The following CAMSAP2 variants were observed in gnomAD, a reference collection of about 807,000 sequenced individuals.
CAMSAP2 encodes calmodulin-regulated spectrin-associated protein 2.
In CAMSAP2, 26 loss-of-function variants were observed where a neutral mutation model predicts 146.1. The observed-to-expected ratio is 0.18, with a 90% CI of 0.13 to 0.25. The LOEUF is 0.25. Among genes scored for constraint, CAMSAP2 ranks in the 10% least tolerant of loss-of-function variants. The pLI is 1.00. For missense variants in CAMSAP2, 1,381 were observed against 1,759.3 expected, an observed-to-expected ratio of 0.78 and a Z score of 3.85; for synonymous variants, 499 against 596.6, an observed-to-expected ratio of 0.84 and a Z score of 2.38.
At chr1:200,788,643 CT>C (rs71564133) in intron 2 of CAMSAP2, among the ~76,000 whole-genome samples, 78,543 of 122,094 alleles carry the variant, frequency 0.64, 23,099 homozygotes, top group Middle Eastern at 0.72. Context: ...TTCTTTTTTT[CT>C]TTTTTTTTTT....
chr1:200,826,321 A>G (rs1167316807), intron 4 of CAMSAP2, among the ~76,000 whole-genome samples: 1 of 151,996 alleles, frequency 6.6e-6, no homozygotes, highest in African/African-American at 2.4e-5. Context: ...TGTCCCAGCT[A>G]CTAGGGAGGC....
At chr1:200,826,844 C>A (rs969127053) in intron 4 of CAMSAP2, among the ~76,000 whole-genome samples, 6 of 152,084 alleles carry the variant, frequency 3.9e-5, no homozygotes, top group Admixed American at 3.3e-4. Flanking sequence ...TTTTAAAAAA[C>A]CCTTTGTTTC....
At chr1:200,762,847 A>G (rs754494875) in intron 2 of CAMSAP2, among the ~76,000 whole-genome samples, 6 of 152,064 alleles carry the variant, frequency 3.9e-5, no homozygotes, top group Non-Finnish European at 8.8e-5. Context: ...GATCCTGCTG[A>G]TAGCTTTGAA....
chr1:200,835,407 A>C (rs1667160483), intron 6 of CAMSAP2, among the ~76,000 whole-genome samples: 1 of 152,202 alleles, frequency 6.6e-6, no homozygotes, highest in Non-Finnish European at 1.5e-5. Flanking sequence ...TATGCTAGAC[A>C]CTGTACTGAG....
intron 6 of CAMSAP2, 149 bp from the exon 7 acceptor site, chr1:200,841,845 A>G: frequency 1.6e-6 from 1 of 607,510 alleles, no homozygotes; most frequent in South Asian, 2.1e-5. Flanking sequence ...CACAAGAGTT[A>G]ATATTCCATC....
intron 1 of CAMSAP2, among the ~76,000 whole-genome samples, chr1:200,751,442 A>G (rs1302106069): frequency 6.8e-6 from 1 of 147,260 alleles, no homozygotes; most frequent in East Asian, 2.1e-4. Flanking sequence ...AGGCTGAGAC[A>G]GGAGAAGCAC....
Position 200,844,860 on chromosome 1 carries a change from T to A in CAMSAP2, c.1100T>A (p.Phe367Tyr). The A allele has an allele frequency of 1.3e-6, 2 of 1,573,206 alleles. No homozygotes were observed. Among genetic ancestry groups the A allele is most frequent in the Non-Finnish European group, 1.7e-6 (2 of 1,156,686 alleles). Residue 367 changes from phenylalanine to tyrosine, a missense_variant, in exon 8 of 17, where the codon TTC becomes TAC. Phe to Tyr is a conservative substitution (Grantham distance 22). Transcript: ENST00000358823. ...KRNVLDSSSD[F>Y]PSSGEGATFT... Reference sequence around the variant, plus strand: ...AATGTCTTAGATAGTAGTTCTGACTTCCCTTCAAGGTAAACTCCACAATGA... The same window carrying A: ...AATGTCTTAGATAGTAGTTCTGACTACCCTTCAAGGTAAACTCCACAATGA...
intron 4 of CAMSAP2, among the ~76,000 whole-genome samples, chr1:200,830,641 C>T (rs1190832680): frequency 1.3e-5 from 2 of 152,160 alleles, no homozygotes; most frequent in Non-Finnish European, 2.9e-5. Context: ...TTCTTCCTTC[C>T]TCTTCCCTCC....
chr1:200,812,744 A>G lies in CAMSAP2; in HGVS notation c.562-2817A>G, dbSNP rs545822342. ...TTAAAAAAGCAAAATCACAGAAGACAAGATTATATTGAATGATTGAATCAT... is the reference window on the plus strand; with the variant it reads ...TTAAAAAAGCAAAATCACAGAAGACGAGATTATATTGAATGATTGAATCAT... On this transcript the variant is annotated intron_variant, in intron 3 of 16. Coordinates refer to ENST00000358823, the MANE Select transcript of CAMSAP2 (RefSeq NM_203459.4). 9.8e-5 allele frequency among the ~76,000 whole-genome samples: 15 copies of G among 152,358 alleles called. 1 individual carries two copies. In the South Asian group the frequency reaches 2.1e-3, roughly 21 times the overall value.
intron 2 of CAMSAP2, among the ~76,000 whole-genome samples, chr1:200,802,563 C>G (rs1666062199): frequency 6.6e-6 from 1 of 151,992 alleles, no homozygotes; most frequent in South Asian, 2.1e-4. Context: ...TAACTAGTAC[C>G]TCATGTTTGT....
At chr1:200,851,583 G>A (rs748300993) in intron 11 of CAMSAP2, among the ~76,000 whole-genome samples, 10 of 152,176 alleles carry the variant, frequency 6.6e-5, no homozygotes, top group Non-Finnish European at 1.0e-4. Flanking sequence ...ACATATGAAT[G>A]TTTGAACTAA....
chr1:200,837,268 A>G (rs766207773), intron 6 of CAMSAP2, among the ~76,000 whole-genome samples: 11 of 152,096 alleles, frequency 7.2e-5, no homozygotes, highest in Non-Finnish European at 1.6e-4. Context: ...ATTTTTTTAT[A>G]TAGTGTAAGG....
intron 1 of CAMSAP2, among the ~76,000 whole-genome samples, chr1:200,760,298 C>T (rs535008895): frequency 1.3e-5 from 2 of 152,208 alleles, no homozygotes; most frequent in East Asian, 1.9e-4. Context: ...TCAGTAGTGT[C>T]AGCAAGCTAA....
chr1:200,816,834 G>A lies in CAMSAP2; in HGVS notation c.645+1190G>A, dbSNP rs145254941. On this transcript the variant is annotated intron_variant, in intron 4 of 16. Transcript: ENST00000358823. ...TATATGTGTGTACACACACACGCGT[G>A]TGTATGTGTGTACACACACACGCGT... 7.3e-4 allele frequency among the ~76,000 whole-genome samples: 41 copies of A among 56,240 alleles called. 9 individuals are homozygous for A. The highest frequency in any genetic ancestry group is 9.0e-4 in the African/African-American group (9 of 9,962). 36.9% of individuals were successfully genotyped at this position (56,240 alleles called of 152,430 possible). A position where few individuals can be genotyped will look rare whatever the true frequency, so the allele number is the denominator to read the frequency against.
chr1:200,777,297 A>G (rs1571743174), intron 2 of CAMSAP2, among the ~76,000 whole-genome samples: 1 of 152,142 alleles, frequency 6.6e-6, no homozygotes, highest in South Asian at 2.1e-4. Flanking sequence ...TTGAAGAGAG[A>G]AATTATTTCC....
chr1:200,849,300 C>G lies in CAMSAP2; in HGVS notation c.2531C>G (p.Pro844Arg). 1 of 1,613,996 alleles carries G rather than the reference C, an allele frequency of 6.2e-7. No individual in the cohort carries two copies. Among genetic ancestry groups the G allele is most frequent in the Non-Finnish European group, 8.5e-7 (1 of 1,180,028 alleles). ...GATATAAAAGAGAGCATGGAGAATC[C>G]TCAAGCCAAATGGCTAAAGTCTCCA... Reference protein sequence around the residue: ...LADIKESMENPQAKWLKSPTT... With the variant: ...LADIKESMENRQAKWLKSPTT... The change falls in exon 11 of 17, where the codon CCT becomes CGT. Residue 844 changes from proline (P) to arginine (R), a missense_variant. Physicochemically the swap from Pro to Arg is moderately radical, Grantham distance 103. Coordinates refer to ENST00000358823, the MANE Select transcript of CAMSAP2 (RefSeq NM_203459.4). This position sits in a 1 kb window ranked among gnomAD's most constrained non-coding sequence, Gnocchi z 6.3.
chr1:200,814,794 A>C (rs1043100806), intron 3 of CAMSAP2, among the ~76,000 whole-genome samples: 2 of 152,072 alleles, frequency 1.3e-5, no homozygotes, highest in African/African-American at 4.8e-5. Flanking sequence ...GCCAGAAACA[A>C]AGTGGGGACT....
At chr1:200,780,238 G>C (rs1665394830) in intron 2 of CAMSAP2, among the ~76,000 whole-genome samples, 1 of 152,148 alleles carries the variant, frequency 6.6e-6, no homozygotes, top group South Asian at 2.1e-4. Flanking sequence ...TATGTGACAT[G>C]GTCTACCAAA....
At chr1:200,779,567 C>T (rs929407769) in intron 2 of CAMSAP2, among the ~76,000 whole-genome samples, 2 of 152,096 alleles carry the variant, frequency 1.3e-5, no homozygotes, top group African/African-American at 4.8e-5. Flanking sequence ...TTGTGATGCC[C>T]AGGGAGGGCA....
Sources: gnomAD v4.1 joint callset for allele counts (sites outside exome capture counted in the v4.1 genomes callset) on GRCh38, gnomAD v4.1.1 for gene constraint, Gnocchi (gnomAD v3.1) non-coding constraint, MANE v1.5 for transcripts, NCBI Gene and HGNC (gene_info 2026-07-23, HGNC 2026-07-21) for gene names.